Variants in FHAD1 observed in about 807,000 individuals in gnomAD.
FHAD1 encodes forkhead associated phosphopeptide binding domain 1.
A neutral mutation model predicts 191.3 loss-of-function variants in FHAD1; 146 were observed. The observed-to-expected ratio is 0.76, with a 90% confidence interval of 0.67 to 0.88. The LOEUF (loss-of-function observed/expected upper bound fraction) is 0.88, where lower values mean the gene tolerates loss of function less well. FHAD1 is among the 40% of genes least tolerant of loss of function. FHAD1 has a pLI of 0.00. For missense variants in FHAD1, 1,635 were observed against 1,785.8 expected (o/e 0.92, Z 1.52); for synonymous variants, 616 against 672.3 (o/e 0.92, Z 1.29).
intron 20 of FHAD1, among the ~76,000 whole-genome samples, chr1:15,353,566 G>T (rs1353163594): frequency 6.6e-6 from 1 of 151,922 alleles, no homozygotes; most frequent in African/African-American, 2.4e-5. Context: ...TTAGCTGGGC[G>T]TGGTGGCACG....
intron 5 of FHAD1, 71 bp from the exon 6 acceptor site, chr1:15,301,134 C>CT (rs976309130): frequency 2.3e-4 from 320 of 1,392,922 alleles, no homozygotes; most frequent in Non-Finnish European, 2.6e-4. Context: ...CCGGCCCCTA[C>CT]TTTTTTTTAA....
chr1:15,378,921 G>A (rs1309326818), intron 28 of FHAD1, among the ~76,000 whole-genome samples: 1 of 152,116 alleles, frequency 6.6e-6, no homozygotes, highest in African/African-American at 2.4e-5. Context: ...TGGCCTGGTG[G>A]CTTTTCTATG....
intron 1 of FHAD1, among the ~76,000 whole-genome samples, chr1:15,239,944 G>C (rs1475370630): frequency 6.6e-6 from 1 of 152,186 alleles, no homozygotes; most frequent in Non-Finnish European, 1.5e-5. Flanking sequence ...ATATCTAATA[G>C]ACATGTGCAC....
At chr1:15,292,824 T>G (rs1007427433) in intron 4 of FHAD1, among the ~76,000 whole-genome samples, 4 of 152,160 alleles carry the variant, frequency 2.6e-5, no homozygotes, top group Non-Finnish European at 5.9e-5. Flanking sequence ...GTGCAGTGGC[T>G]CACCCCTGTA....
At chr1:15,388,232 G>A (rs1702666765) in intron 32 of FHAD1, 101 bp downstream of exon 32, 7 of 613,902 alleles carry the variant, frequency 1.1e-5, no homozygotes, top group South Asian at 7.9e-5. Context: ...TGCCCAAGGA[G>A]CACTGCACAC....
chr1:15,290,904 T>C (rs538311407), intron 4 of FHAD1, among the ~76,000 whole-genome samples: 35 of 151,948 alleles, frequency 2.3e-4, no homozygotes, highest in South Asian at 8.3e-4. Flanking sequence ...TTAGTAGAGA[T>C]GGGGTTTCAC....
chr1:15,333,466 A>G (rs1682588647), intron 14 of FHAD1, among the ~76,000 whole-genome samples: 1 of 152,192 alleles, frequency 6.6e-6, no homozygotes. Flanking sequence ...TTTTATACAC[A>G]TGATCTCATT....
At position 15,301,329 on chromosome 1, in the gene FHAD1, T is replaced by C; in HGVS notation, c.803T>C (p.Val268Ala). The C allele has an allele frequency of 6.4e-7, 1 of 1,551,648 alleles. No individual in the cohort carries two copies. Among genetic ancestry groups the C allele is most frequent in the Non-Finnish European group, 8.7e-7 (1 of 1,146,988 alleles). ...GAAGTGGCTGAGCTGAGTCAGAAGGTGTCAGAGACCACCACCTCCAGGCAG... is the reference window on the plus strand; with the variant it reads ...GAAGTGGCTGAGCTGAGTCAGAAGGCGTCAGAGACCACCACCTCCAGGCAG... Reference protein sequence around the residue: ...QNEVAELSQKVSETTTSRQNE... With the variant: ...QNEVAELSQKASETTTSRQNE... The change falls in exon 6 of 34, where the codon GTG becomes GCG. Residue 268 changes from valine (V) to alanine (A), a missense_variant. Transcript: ENST00000688493.
chr1:15,354,594 A>C (rs776094752), intron 20 of FHAD1, among the ~76,000 whole-genome samples: 6 of 152,184 alleles, frequency 3.9e-5, no homozygotes, highest in Non-Finnish European at 5.9e-5. Context: ...CGTGAAATAC[A>C]CTATGGGTAG....
intron 33 of FHAD1, among the ~76,000 whole-genome samples, chr1:15,392,757 T>A (rs1704526560): frequency 6.6e-6 from 1 of 152,152 alleles, no homozygotes; most frequent in Non-Finnish European, 1.5e-5. Flanking sequence ...GCCCTACGGG[T>A]TTTTGTTTTC....
At chr1:15,268,456 A>G (rs1045000331) in intron 2 of FHAD1, among the ~76,000 whole-genome samples, 5 of 138,836 alleles carry the variant, frequency 3.6e-5, no homozygotes, top group African/African-American at 1.3e-4. Flanking sequence ...CAATAAACAT[A>G]CGTGTGCATG....
intron 6 of FHAD1, among the ~76,000 whole-genome samples, chr1:15,305,592 C>T (rs758008587): frequency 3.9e-5 from 6 of 152,164 alleles, no homozygotes; most frequent in Non-Finnish European, 8.8e-5. Flanking sequence ...TGAATTGTAT[C>T]CCAGAAATCC....
chr1:15,248,556 C>A (rs954231226), intron 1 of FHAD1, among the ~76,000 whole-genome samples: 3 of 151,852 alleles, frequency 2.0e-5, no homozygotes, highest in Admixed American at 6.6e-5. Context: ...CAGTGCCCAA[C>A]CTTTGCCCTG....
At chr1:15,296,251 A>ATTTT (rs779409884) in intron 4 of FHAD1, among the ~76,000 whole-genome samples, 2 of 134,598 alleles carry the variant, frequency 1.5e-5, no homozygotes, top group African/African-American at 5.6e-5. Flanking sequence ...CCACTTTGTA[A>ATTTT]TTTTTTTTTT....
intron 23 of FHAD1, among the ~76,000 whole-genome samples, chr1:15,363,257 C>G (rs1218121673): frequency 6.6e-6 from 1 of 152,170 alleles, no homozygotes; most frequent in African/African-American, 2.4e-5. Context: ...AATCCACAGT[C>G]TCACTGCCAT....
At chr1:15,360,796 C>A in intron 22 of FHAD1, 93 bp downstream of exon 22, 2 of 1,044,678 alleles carry the variant, frequency 1.9e-6, no homozygotes, top group Non-Finnish European at 2.8e-6. Flanking sequence ...AAGAAAAAGG[C>A]CGTGCCTCAT....
chr1:15,346,459 C>T (rs919397953), intron 18 of FHAD1, among the ~76,000 whole-genome samples: 4 of 152,278 alleles, frequency 2.6e-5, no homozygotes, highest in African/African-American at 7.2e-5. Flanking sequence ...ACACAGCCCA[C>T]GTCATTTTTG....
chr1:15,399,518 A>C (rs1290146029), downstream of FHAD1, among the ~76,000 whole-genome samples: 2 of 152,124 alleles, frequency 1.3e-5, no homozygotes, highest in Non-Finnish European at 2.9e-5. Context: ...GTGAGCTATG[A>C]CTGTACCACT....
At chr1:15,309,983 G>C (rs556387029) in intron 7 of FHAD1, among the ~76,000 whole-genome samples, 5 of 152,172 alleles carry the variant, frequency 3.3e-5, no homozygotes, top group African/African-American at 4.8e-5. Flanking sequence ...GTGGGGTCAG[G>C]GGGGAGGCAG....
Sources: allele counts gnomAD v4.1 joint callset (sites outside exome capture counted in the v4.1 genomes callset), GRCh38; gene constraint gnomAD v4.1.1; transcripts MANE v1.5; gene names NCBI Gene and HGNC (gene_info 2026-07-23, HGNC 2026-07-21).